Variants in NOTCH2NLC observed in about 807,000 individuals in gnomAD.
NOTCH2NLC encodes the protein notch homolog 2 N-terminal-like protein C.
In NOTCH2NLC, 4 loss-of-function variants were observed where a neutral mutation model predicts 17.7. The ratio of observed to expected loss-of-function variants is 0.23; its 90% CI spans 0.11 to 0.52. The LOEUF (loss-of-function observed/expected upper bound fraction) is 0.52, where lower values mean the gene tolerates loss of function less well. Among genes scored for constraint, NOTCH2NLC ranks in the 20% least tolerant of loss-of-function variants. The pLI is 0.96. For synonymous variants in NOTCH2NLC, 18 were observed against 86.0 expected (o/e 0.21, Z 4.38); for missense variants, 57 against 207.2 (o/e 0.28, Z 4.45).
intron 1 of NOTCH2NLC, among the ~76,000 whole-genome samples, chr1:149,424,304 A>G (rs1270187228): frequency 6.6e-6 from 1 of 150,744 alleles, no homozygotes; most frequent in Non-Finnish European, 1.5e-5. Context: ...TTCTTTTTGG[A>G]GTGATTCCAA....
chr1:149,415,839 A>G (rs1279998543), intron 1 of NOTCH2NLC, among the ~76,000 whole-genome samples: 2 of 148,200 alleles, frequency 1.3e-5, no homozygotes, highest in Admixed American at 6.7e-5. Context: ...GGCCTGAGAC[A>G]TTTCAAAAAT....
intron 1 of NOTCH2NLC, among the ~76,000 whole-genome samples, chr1:149,416,285 G>T: frequency 1.5e-5 from 1 of 67,190 alleles, no homozygotes; most frequent in East Asian, 4.2e-4. Flanking sequence ...GTGAGTTTTT[G>T]TCTTTTTTCC....
chr1:149,398,084 G>A (rs2084217990), intron 1 of NOTCH2NLC, among the ~76,000 whole-genome samples: 1 of 150,796 alleles, frequency 6.6e-6, no homozygotes, highest in Non-Finnish European at 1.5e-5. Context: ...CTGCAGTCAG[G>A]GTGACTCGGA....
intron 1 of NOTCH2NLC, among the ~76,000 whole-genome samples, chr1:149,424,803 G>A (rs1369315249): frequency 1.3e-5 from 2 of 151,188 alleles, no homozygotes; most frequent in Non-Finnish European, 3.0e-5. Context: ...CATGGCTGAA[G>A]GTGAAGAGGG....
At chr1:149,432,505 G>A (rs1445915377) in intron 2 of NOTCH2NLC, among the ~76,000 whole-genome samples, 1 of 151,168 alleles carries the variant, frequency 6.6e-6, no homozygotes. Flanking sequence ...TAAGAATGGA[G>A]ATACAACTGG....
chr1:149,423,276 A>G (rs1165906122), intron 1 of NOTCH2NLC, among the ~76,000 whole-genome samples: 1 of 150,850 alleles, frequency 6.6e-6, no homozygotes, highest in Non-Finnish European at 1.5e-5. Flanking sequence ...AATCAAGACA[A>G]ATTTCAAGGA....
chr1:149,407,142 T>C (rs2101469338), intron 1 of NOTCH2NLC, among the ~76,000 whole-genome samples: 1 of 151,068 alleles, frequency 6.6e-6, no homozygotes, highest in South Asian at 2.1e-4. Flanking sequence ...ACTCTTTCAA[T>C]AAGAAGGAAC....
chr1:149,449,144 G>T (rs2084574586), intron 2 of NOTCH2NLC, among the ~76,000 whole-genome samples: 1 of 150,646 alleles, frequency 6.6e-6, no homozygotes, highest in African/African-American at 2.4e-5. Context: ...GCCTCCCAAA[G>T]TGCTGAGATT....
intron 1 of NOTCH2NLC, among the ~76,000 whole-genome samples, chr1:149,417,360 G>A (rs1397189888): frequency 2.0e-5 from 3 of 150,830 alleles, no homozygotes; most frequent in Admixed American, 6.6e-5. Context: ...CGCCTGCCTC[G>A]GCCTCCCAAA....
At chr1:149,393,071 A>G (rs1309037342) in intron 1 of NOTCH2NLC, among the ~76,000 whole-genome samples, 1 of 117,486 alleles carries the variant, frequency 8.5e-6, no homozygotes, top group Non-Finnish European at 1.7e-5. Context: ...CTCCGTCTCA[A>G]AAAAAAAAAA....
At position 149,420,015 on chromosome 1, in the gene NOTCH2NLC, C is replaced by T. The variant is rs1402081765; in HGVS notation, c.136-10927C>T. Among the ~76,000 whole-genome samples, 6 of 144,720 alleles carry T rather than the reference C, an allele frequency of 4.1e-5. 1 individual carries two copies. Among genetic ancestry groups the T allele is most frequent in the Non-Finnish European group, 6.1e-5 (4 of 65,126 alleles). 94.9% of individuals were successfully genotyped at this position (144,720 alleles called of 152,430 possible). A position where few individuals can be genotyped will look rare whatever the true frequency, so the allele number is the denominator to read the frequency against. The stretch of plus-strand genomic sequence containing the variant: ...CCTAGTAGCTGGGACTACAGGCACC[C>T]GCCACCATGCCCAGCTAATTTTTTT... On this transcript the variant is annotated intron_variant, in intron 1 of 4. Coordinates refer to ENST00000650865, the MANE Select transcript of NOTCH2NLC (RefSeq NM_001364013.2).
chr1:149,419,078 CTTTT>C (rs1232402576), intron 1 of NOTCH2NLC, among the ~76,000 whole-genome samples: 1 of 125,164 alleles, frequency 8.0e-6, no homozygotes, highest in African/African-American at 3.0e-5. Flanking sequence ...TCTTTTCTTT[CTTTT>C]CTCTCTCTCT....
chr1:149,414,388 G>A (rs2084318287), intron 1 of NOTCH2NLC, among the ~76,000 whole-genome samples: 1 of 148,780 alleles, frequency 6.7e-6, no homozygotes, highest in Non-Finnish European at 1.5e-5. Context: ...GAGTGAAATA[G>A]AGATGCCAGG....
At chr1:149,413,525 AT>A (rs2084311334) in intron 1 of NOTCH2NLC, among the ~76,000 whole-genome samples, 8 of 151,292 alleles carry the variant, frequency 5.3e-5, no homozygotes, top group Non-Finnish European at 1.0e-4. Flanking sequence ...TGTTGCATAT[AT>A]TAACTTGTTT....
intron 1 of NOTCH2NLC, among the ~76,000 whole-genome samples, chr1:149,399,142 G>A (rs1291782996): frequency 1.3e-5 from 2 of 151,296 alleles, no homozygotes; most frequent in South Asian, 2.1e-4. Context: ...TGTACAAGAA[G>A]CTGTGGTTAC....
intron 2 of NOTCH2NLC, among the ~76,000 whole-genome samples, chr1:149,445,715 C>A (rs1286754902): frequency 1.3e-5 from 2 of 150,204 alleles, no homozygotes; most frequent in Admixed American, 6.6e-5. Flanking sequence ...TGAGGAGCAG[C>A]TGCAGTGCCG....
At chr1:149,421,551 G>T (rs1363838103) in intron 1 of NOTCH2NLC, among the ~76,000 whole-genome samples, 1 of 131,782 alleles carries the variant, frequency 7.6e-6, no homozygotes, top group Admixed American at 7.4e-5. Flanking sequence ...TAAAAGCACA[G>T]GAAATTGGTG....
intron 1 of NOTCH2NLC, among the ~76,000 whole-genome samples, chr1:149,399,991 T>C (rs2084233666): frequency 6.7e-6 from 1 of 149,700 alleles, no homozygotes; most frequent in Admixed American, 6.7e-5. Flanking sequence ...GAAAAAGTAG[T>C]TAAGGATGTT....
intron 1 of NOTCH2NLC, among the ~76,000 whole-genome samples, chr1:149,400,139 A>ATATATTTTTT (rs1570899101): frequency 7.6e-6 from 1 of 131,976 alleles, no homozygotes; most frequent in East Asian, 2.3e-4. Flanking sequence ...TATAATATAT[A>ATATATTTTTT]TTTTTTTTTT....
Sources: gnomAD v4.1 joint callset for allele counts (sites outside exome capture counted in the v4.1 genomes callset) on GRCh38, gnomAD v4.1.1 for gene constraint, MANE v1.5 for transcripts, NCBI Gene and HGNC (gene_info 2026-07-23, HGNC 2026-07-21) for gene names.